Variants in KCNH8 observed in about 807,000 individuals in gnomAD.
KCNH8 encodes potassium voltage-gated channel subfamily H member 8, also known as voltage-gated delayed rectifier potassium channel KCNH8.
In KCNH8, 70 loss-of-function variants were observed where a neutral mutation model predicts 103.6. The ratio of observed to expected loss-of-function variants is 0.68; its 90% CI spans 0.56 to 0.82. KCNH8 has a LOEUF of 0.82. KCNH8 is among the 40% of genes least tolerant of loss of function. The pLI is 0.00. For synonymous variants in KCNH8, 498 were observed against 489.4 expected (o/e 1.02, Z -0.23); for missense variants, 1,217 against 1,329.9 (o/e 0.92, Z 1.32).
At position 19,342,638 on chromosome 3, in the gene KCNH8, G is replaced by C. The variant is rs773293241; in HGVS notation, c.494G>C (p.Arg165Thr). 9.3e-6 allele frequency: 15 copies of C among 1,611,258 alleles called. No homozygotes were observed. In the South Asian group the frequency reaches 1.5e-4, roughly 17 times the overall value. The change falls in exon 4 of 16, where the codon AGA (arginine) becomes ACA (threonine). Residue 165 changes from arginine (R) to threonine (T), a missense_variant. By Grantham distance (71) the Arg-to-Thr change is moderately conservative. Coordinates refer to ENST00000328405, the MANE Select transcript of KCNH8 (RefSeq NM_144633.3). ...RAGTHFDSARRRSRAVLYHIS... is the reference protein window; with the variant it reads ...RAGTHFDSARTRSRAVLYHIS... Reference sequence around the variant, plus strand: ...GGGACCCACTTTGACTCAGCCCGGAGACGGAGTCGAGCAGTCCTTTATCAC... The same window carrying C: ...GGGACCCACTTTGACTCAGCCCGGACACGGAGTCGAGCAGTCCTTTATCAC...
Position 19,534,427 on chromosome 3 carries a change from C to A in KCNH8, c.*328C>A. Reference sequence around the variant, plus strand: ...TGTGGATGACTTTTGTCCCATGTGGCTTTTGTGAAGTATGGCAAAGGTTTT... The same window carrying A: ...TGTGGATGACTTTTGTCCCATGTGGATTTTGTGAAGTATGGCAAAGGTTTT... On this transcript the variant is annotated 3_prime_UTR_variant, in exon 16 of 16. Transcript: ENST00000328405. 3.3e-6 allele frequency: 1 copy of A among 299,062 alleles called. No individual in the cohort carries two copies. The highest frequency in any genetic ancestry group is 6.2e-6 in the Non-Finnish European group (1 of 162,176). The allele number at this position is 299,062 out of a possible 1,614,324, so 18.5% of individuals were successfully genotyped here. A position where few individuals can be genotyped will look rare whatever the true frequency, so the allele number is the denominator to read the frequency against.
intron 1 of KCNH8, among the ~76,000 whole-genome samples, chr3:19,178,895 C>T (rs1238481992): frequency 6.6e-6 from 1 of 152,048 alleles, no homozygotes; most frequent in Non-Finnish European, 1.5e-5. Flanking sequence ...ACTCCTGAGG[C>T]AGGAGGCTGT....
chr3:19,477,513 A>G (rs2068002091), intron 11 of KCNH8, among the ~76,000 whole-genome samples: 1 of 151,896 alleles, frequency 6.6e-6, no homozygotes, highest in Non-Finnish European at 1.5e-5. Context: ...TACACTGCCC[A>G]ACAGGCTCCA....
At chr3:19,366,088 AG>A (rs1241483882) in intron 5 of KCNH8, among the ~76,000 whole-genome samples, 2 of 152,080 alleles carry the variant, frequency 1.3e-5, no homozygotes, top group Non-Finnish European at 2.9e-5. Flanking sequence ...GTGAAGCTCT[AG>A]TTGAAATGCC....
At chr3:19,322,908 T>C (rs549274710) in intron 3 of KCNH8, among the ~76,000 whole-genome samples, 13 of 152,296 alleles carry the variant, frequency 8.5e-5, no homozygotes, top group African/African-American at 3.1e-4. Flanking sequence ...TCTTTGTCTT[T>C]ATTGGCTTGG....
rs77867092 is a variant in KCNH8, at chr3:19,216,329, T to C, written c.77-37325T>C. On this transcript the variant is annotated intron_variant, in intron 1 of 15. Coordinates refer to ENST00000328405, the MANE Select transcript of KCNH8 (RefSeq NM_144633.3). ...CATCAGGGACGAAGAGTGTTTGTGTTACACACGTAACTTTGGATGAAATTC... is the reference window on the plus strand; with the variant it reads ...CATCAGGGACGAAGAGTGTTTGTGTCACACACGTAACTTTGGATGAAATTC... Among the ~76,000 whole-genome samples the C allele has an allele frequency of 1.3e-3, 203 of 152,352 alleles. 1 individual carries two copies. The highest frequency in any genetic ancestry group is 2.4e-3 in the Non-Finnish European group (165 of 68,036).
At chr3:19,400,803 C>G (rs1053500739) in intron 7 of KCNH8, among the ~76,000 whole-genome samples, 1 of 151,776 alleles carries the variant, frequency 6.6e-6, no homozygotes, top group African/African-American at 2.4e-5. Flanking sequence ...ATTTACAAGC[C>G]TTTTGTAAGA....
intron 1 of KCNH8, among the ~76,000 whole-genome samples, chr3:19,155,178 T>C (rs2063169256): frequency 2.0e-5 from 3 of 152,184 alleles, no homozygotes; most frequent in African/African-American, 7.2e-5. Flanking sequence ...TGAAACCTAT[T>C]TGTTTTCTTA....
At chr3:19,234,992 A>T (rs1393345933) in intron 1 of KCNH8, among the ~76,000 whole-genome samples, 1 of 152,200 alleles carries the variant, frequency 6.6e-6, no homozygotes, top group African/African-American at 2.4e-5. Flanking sequence ...ACTTGTTTTT[A>T]TTAAACTTTG....
chr3:19,365,511 G>T (rs1442195), intron 5 of KCNH8, among the ~76,000 whole-genome samples: 13,633 of 151,866 alleles, frequency 0.09, 690 homozygotes, highest in East Asian at 0.18. Context: ...CATCTTAATT[G>T]TTACGCATTT....
intron 8 of KCNH8, among the ~76,000 whole-genome samples, chr3:19,445,217 G>A (rs183152744): frequency 1.3e-4 from 19 of 151,782 alleles, no homozygotes; most frequent in Admixed American, 5.9e-4. Context: ...GAAGCCAGAC[G>A]AAAAAAAGTA....
At chr3:19,519,724 G>A (rs2068939554) in intron 15 of KCNH8, among the ~76,000 whole-genome samples, 1 of 151,734 alleles carries the variant, frequency 6.6e-6, no homozygotes, top group African/African-American at 2.4e-5. Flanking sequence ...TGGAGAACTG[G>A]ATGTTAACCT....
intron 2 of KCNH8, among the ~76,000 whole-genome samples, chr3:19,280,665 A>G (rs189181508): frequency 6.6e-6 from 1 of 152,208 alleles, no homozygotes; most frequent in East Asian, 1.9e-4. Flanking sequence ...TTTAAAGTAG[A>G]TGTATTAATT....
chr3:19,234,769 A>G (rs1402180042), intron 1 of KCNH8, among the ~76,000 whole-genome samples: 1 of 152,248 alleles, frequency 6.6e-6, no homozygotes, highest in African/African-American at 2.4e-5. Context: ...GGAGAGCGAG[A>G]GAGGGCCGTG....
chr3:19,311,698 C>A (rs1400853899), intron 3 of KCNH8, among the ~76,000 whole-genome samples: 1 of 151,728 alleles, frequency 6.6e-6, no homozygotes, highest in African/African-American at 2.4e-5. Flanking sequence ...CCAGGCCAAA[C>A]AGAGCTGTAC....
At chr3:19,522,820 T>A (rs527744938) in intron 15 of KCNH8, among the ~76,000 whole-genome samples, 5 of 151,878 alleles carry the variant, frequency 3.3e-5, no homozygotes, top group South Asian at 2.1e-4. Flanking sequence ...GGATCTAAAA[T>A]TTTTTTTAAA....
intron 5 of KCNH8, among the ~76,000 whole-genome samples, chr3:19,361,114 T>G (rs1404328008): frequency 6.6e-6 from 1 of 152,090 alleles, no homozygotes; most frequent in East Asian, 1.9e-4. Flanking sequence ...TAACAATTCC[T>G]GTGCTCAGAC....
intron 11 of KCNH8, among the ~76,000 whole-genome samples, chr3:19,458,081 C>T (rs1179214163): frequency 6.6e-6 from 1 of 151,956 alleles, no homozygotes; most frequent in African/African-American, 2.4e-5. Flanking sequence ...AAGTCTTGAT[C>T]TATTTTTATG....
chr3:19,425,638 A>G lies in KCNH8; in HGVS notation c.1178-12526A>G, dbSNP rs550162915. On this transcript the variant is annotated intron_variant, in intron 7 of 15. Coordinates refer to ENST00000328405, the MANE Select transcript of KCNH8 (RefSeq NM_144633.3). Reference sequence around the variant, plus strand: ...TGCAAAGGGAACTGGTCTGAAGGTAAACTTGACTGGGAACAGGATGTGAGA... The same window carrying G: ...TGCAAAGGGAACTGGTCTGAAGGTAGACTTGACTGGGAACAGGATGTGAGA... Among the ~76,000 whole-genome samples, 4 of 152,350 alleles carry G rather than the reference A, an allele frequency of 2.6e-5. No individual in the cohort carries two copies. The East Asian group carries it at 7.7e-4, about 29-fold the overall frequency.
Sources: gnomAD v4.1 joint callset for allele counts (sites outside exome capture counted in the v4.1 genomes callset) on GRCh38, gnomAD v4.1.1 for gene constraint, MANE v1.5 for transcripts, NCBI Gene and HGNC (gene_info 2026-07-23, HGNC 2026-07-21) for gene names.